SMARCAD1: variants seen among roughly 807,000 people sequenced by gnomAD.
SMARCAD1 encodes the protein SNF2 related chromatin remodeling ATPase with DExD box 1, also known as SWI/SNF-related matrix-associated actin-dependent regulator of chromatin subfamily A containing DEAD/H box 1.
In SMARCAD1, 25 loss-of-function variants were observed where a neutral mutation model predicts 127.1. That is an observed-to-expected ratio of 0.20 (90% CI 0.14 to 0.27). The LOEUF (loss-of-function observed/expected upper bound fraction) is 0.27, where lower values mean the gene tolerates loss of function less well. SMARCAD1 is among the 10% of genes least tolerant of loss of function. The probability of loss-of-function intolerance (pLI) is 1.00; values close to 1 mark genes in which losing one functional copy is unlikely to be tolerated. For missense variants in SMARCAD1, 807 were observed against 1,206.0 expected (o/e 0.67, Z 4.90); for synonymous variants, 400 against 396.9 (o/e 1.01, Z -0.09).
rs376119878 is a variant in SMARCAD1, at chr4:94,209,490, T to A, written c.190+906T>A. On this transcript the variant is annotated intron_variant, in intron 2 of 23. Coordinates refer to ENST00000354268, the MANE Select transcript of SMARCAD1 (RefSeq NM_020159.5). ...TTTAATATTTATTTCAGTAATATCTTTTTTTATGCAAAACTCTGTTTCGTA... is the reference window on the plus strand; with the variant it reads ...TTTAATATTTATTTCAGTAATATCTATTTTTATGCAAAACTCTGTTTCGTA... 3.8e-4 allele frequency among the ~76,000 whole-genome samples: 58 copies of A among 152,326 alleles called. 1 individual carries two copies. The South Asian group carries it at 0.011, about 29-fold the overall frequency.
At chr4:94,216,349 T>C (rs1180894108) in intron 2 of SMARCAD1, among the ~76,000 whole-genome samples, 1 of 152,166 alleles carries the variant, frequency 6.6e-6, no homozygotes, top group East Asian at 1.9e-4. Flanking sequence ...GATTTTTATG[T>C]GGTCACCTTG....
chr4:94,276,952 T>TG, intron 15 of SMARCAD1, 70 bp from the exon 16 acceptor site: 2 of 1,507,998 alleles, frequency 1.3e-6, no homozygotes, highest in South Asian at 2.3e-5. Flanking sequence ...CACCTTTCAC[T>TG]GGGGAGGATA....
intron 2 of SMARCAD1, among the ~76,000 whole-genome samples, chr4:94,216,666 A>C (rs1014466899): frequency 2.0e-5 from 3 of 152,148 alleles, no homozygotes; most frequent in African/African-American, 7.2e-5. Flanking sequence ...TTGTCTTTTT[A>C]TGAATTTGAC....
At chr4:94,212,824 A>G (rs1742499536) in intron 2 of SMARCAD1, among the ~76,000 whole-genome samples, 1 of 152,058 alleles carries the variant, frequency 6.6e-6, no homozygotes, top group Non-Finnish European at 1.5e-5. Flanking sequence ...TTTAGCCATC[A>G]GGTGTTCTTT....
At chr4:94,258,397 C>G (rs369198876) in intron 9 of SMARCAD1, among the ~76,000 whole-genome samples, 1 of 151,980 alleles carries the variant, frequency 6.6e-6, no homozygotes, top group African/African-American at 2.4e-5. Flanking sequence ...TCAAGTGATC[C>G]GCTCACCTCC....
chr4:94,213,802 G>C (rs1742684004), intron 2 of SMARCAD1, among the ~76,000 whole-genome samples: 1 of 152,146 alleles, frequency 6.6e-6, no homozygotes, highest in African/African-American at 2.4e-5. Flanking sequence ...TAAAAATTAT[G>C]TTGTGTTTGC....
At chr4:94,242,100 C>A (rs1347528788) in intron 6 of SMARCAD1, among the ~76,000 whole-genome samples, 2 of 152,064 alleles carry the variant, frequency 1.3e-5, no homozygotes, top group Admixed American at 6.5e-5. Flanking sequence ...GTGGTGTGAT[C>A]TTGGCTCACT....
At position 94,208,541 on chromosome 4, in the gene SMARCAD1, TAGC is replaced by T. The variant is rs761918523; in HGVS notation, c.150_152del (p.Ser50del). The T allele has an allele frequency of 1.9e-6, 3 of 1,614,124 alleles. No homozygotes were observed. The highest frequency in any genetic ancestry group is 2.5e-6 in the Non-Finnish European group (3 of 1,180,020). ...AAGAGGAGAATGCTGAAGGGGAAGT[TAGC>T]AGGGCAAACACTCCTGATTCAGATA... is the stretch of plus-strand genomic sequence containing the variant. On this transcript the variant is annotated inframe_deletion, in exon 2 of 24. Transcript: ENST00000354268.
rs1355032414 is a variant in SMARCAD1 at position 94,284,894 on chromosome 4, A to G, written c.2910-66A>G. On this transcript the variant is annotated intron_variant, in intron 22 of 23. Coordinates refer to ENST00000354268, the MANE Select transcript of SMARCAD1 (RefSeq NM_020159.5). Reference sequence around the variant, plus strand: ...AAGTATTCTTTTTGAACTCTTAAATATAGTTTACATATATCCAAATAACTA... The same window carrying G: ...AAGTATTCTTTTTGAACTCTTAAATGTAGTTTACATATATCCAAATAACTA... 6 of 962,272 alleles carry G rather than the reference A, an allele frequency of 6.2e-6. No homozygotes were observed. In the Admixed American group the frequency reaches 1.2e-4, roughly 19 times the overall value. 59.6% of individuals were successfully genotyped at this position (962,272 alleles called of 1,614,324 possible).
intron 2 of SMARCAD1, among the ~76,000 whole-genome samples, chr4:94,211,586 A>G (rs753950026): frequency 6.6e-6 from 1 of 152,218 alleles, no homozygotes; most frequent in Non-Finnish European, 1.5e-5. Flanking sequence ...CAGGACAGAA[A>G]TTGTATGTAG....
At position 94,290,566 on chromosome 4, in the gene SMARCAD1, G is replaced by C. The variant is rs1177624976; in HGVS notation, c.*1032G>C. On this transcript the variant is annotated 3_prime_UTR_variant, in exon 24 of 24. Transcript: ENST00000354268. ...TCAAAATATATTTTACCAGTTTCCA[G>C]AATTTCCAGTACAGGACCGCCTGAA... is the stretch of plus-strand genomic sequence containing the variant. The C allele has an allele frequency of 2.2e-6, 1 of 454,282 alleles. No homozygotes were observed. The highest frequency in any genetic ancestry group is 2.0e-5 in the African/African-American group (1 of 49,986). The allele number at this position is 454,282 out of a possible 1,614,324, so 28.1% of individuals were successfully genotyped here.
At chr4:94,286,375 G>C (rs1327592216) in intron 23 of SMARCAD1, among the ~76,000 whole-genome samples, 1 of 152,138 alleles carries the variant, frequency 6.6e-6, no homozygotes, top group Non-Finnish European at 1.5e-5. Flanking sequence ...TCTTGGGCAA[G>C]CTTTAGACAT....
chr4:94,249,108 T>A (rs1359542479), intron 6 of SMARCAD1, among the ~76,000 whole-genome samples: 2 of 152,160 alleles, frequency 1.3e-5, no homozygotes, highest in African/African-American at 4.8e-5. Context: ...CTCATATTAA[T>A]TAATCTGTTC....
At position 94,276,319 on chromosome 4, in the gene SMARCAD1, G is replaced by A. The variant is rs568730798; in HGVS notation, c.1809-20G>A. The stretch of plus-strand genomic sequence containing the variant: ...CTCTTAAAGGTATAACCTTAGAGAT[G>A]TTTTTTCTTTTGGTGACAGATATAA... On this transcript the variant is annotated intron_variant, in intron 14 of 23. Coordinates refer to ENST00000354268, the MANE Select transcript of SMARCAD1 (RefSeq NM_020159.5). 5.6e-6 allele frequency: 9 copies of A among 1,613,808 alleles called. No homozygotes were observed. In the East Asian group the frequency reaches 1.8e-4, roughly 32 times the overall value.
intron 9 of SMARCAD1, among the ~76,000 whole-genome samples, chr4:94,261,612 A>AGTTT (rs1199503742): frequency 6.6e-6 from 1 of 151,994 alleles, no homozygotes; most frequent in Non-Finnish European, 1.5e-5. Context: ...TGAAAGATTA[A>AGTTT]GTTTGTTTGT....
chr4:94,232,537 A>G (rs566099256), intron 3 of SMARCAD1, among the ~76,000 whole-genome samples: 25 of 152,360 alleles, frequency 1.6e-4, no homozygotes, highest in African/African-American at 5.1e-4. Flanking sequence ...AAGGAAATGC[A>G]TGTGATTGTC....
chr4:94,288,225 A>G (rs1268270928), intron 23 of SMARCAD1, among the ~76,000 whole-genome samples: 3 of 152,064 alleles, frequency 2.0e-5, no homozygotes, highest in Admixed American at 1.3e-4. Context: ...AGACATTATC[A>G]TATATTATTC....
chr4:94,270,600 ACATAG>A, intron 10 of SMARCAD1, 123 bp from the exon 11 acceptor site: 1 of 733,730 alleles, frequency 1.4e-6, no homozygotes, highest in Non-Finnish European at 2.4e-6. Context: ...AAGTAGGTGT[ACATAG>A]CATCTAACAG....
At chr4:94,285,771 T>C (rs1754854845) in intron 23 of SMARCAD1, among the ~76,000 whole-genome samples, 1 of 152,136 alleles carries the variant, frequency 6.6e-6, no homozygotes, top group African/African-American at 2.4e-5. Context: ...GTAGAGAAAG[T>C]TTGAGTAAGA....
Sources: gnomAD v4.1 joint callset for allele counts (sites outside exome capture counted in the v4.1 genomes callset) on GRCh38, gnomAD v4.1.1 for gene constraint, MANE v1.5 for transcripts, NCBI Gene and HGNC (gene_info 2026-07-23, HGNC 2026-07-21) for gene names.